Variants in SETBP1 observed in about 807,000 individuals in gnomAD.
SETBP1 encodes the protein SET-binding protein.
SETBP1 carries 9 observed loss-of-function variants against 101.0 expected under a neutral mutation model. That is an observed-to-expected ratio of 0.09 (90% CI 0.05 to 0.16). The LOEUF is 0.16. Ranked by LOEUF, SETBP1 falls within the 10% of genes least tolerant of loss-of-function variation. SETBP1 has a pLI of 1.00. For synonymous variants in SETBP1, 818 were observed against 788.5 expected, an observed-to-expected ratio of 1.04 and a Z score of -0.63; for missense variants, 1,858 against 2,033.8, an observed-to-expected ratio of 0.91 and a Z score of 1.66.
chr18:44,962,978 G>A (rs565194223), intron 4 of SETBP1, among the ~76,000 whole-genome samples: 10 of 152,290 alleles, frequency 6.6e-5, no homozygotes, highest in South Asian at 4.1e-4. Flanking sequence ...TTTTCAAAGC[G>A]TACTTCCTTA....
chr18:44,948,577 G>T (rs1172803293), intron 3 of SETBP1, among the ~76,000 whole-genome samples: 2 of 152,106 alleles, frequency 1.3e-5, no homozygotes, highest in Non-Finnish European at 2.9e-5. Context: ...CATGAAGCCA[G>T]TCATCATATA....
chr18:44,892,733 A>G (rs2069801741), intron 3 of SETBP1, among the ~76,000 whole-genome samples: 1 of 152,090 alleles, frequency 6.6e-6, no homozygotes, highest in South Asian at 2.1e-4. Context: ...CTACATAATA[A>G]TTTTTCTTCC....
rs868615659 is a variant in SETBP1, at chr18:44,819,054, T to C, written c.487-50176T>C. 2.2e-4 allele frequency among the ~76,000 whole-genome samples: 33 copies of C among 152,192 alleles called. No homozygotes were observed. In the South Asian group the frequency reaches 2.7e-3, roughly 12 times the overall value. ...AATGGTTTACTATTATTGGACTACT[T>C]TTGGAAGTAGTTGCACAGCTTTTTA... On this transcript the variant is annotated intron_variant, in intron 2 of 5. Coordinates refer to ENST00000649279, the MANE Select transcript of SETBP1 (RefSeq NM_015559.3).
intron 2 of SETBP1, among the ~76,000 whole-genome samples, chr18:44,745,736 C>G (rs2070227668): frequency 6.6e-6 from 1 of 152,066 alleles, no homozygotes. Flanking sequence ...AATAAGGAGA[C>G]TAGGGCCATG....
intron 2 of SETBP1, among the ~76,000 whole-genome samples, chr18:44,719,293 G>C (rs752547936): frequency 1.3e-5 from 2 of 152,184 alleles, no homozygotes; most frequent in East Asian, 3.8e-4. Context: ...GAGGCCACGC[G>C]AGAGCTGACC....
chr18:44,799,841 C>T (rs1022195842), intron 2 of SETBP1, among the ~76,000 whole-genome samples: 1 of 152,104 alleles, frequency 6.6e-6, no homozygotes, highest in Non-Finnish European at 1.5e-5. Context: ...GGTGCCCCTT[C>T]TTGGCTAAAA....
At chr18:44,745,808 A>C (rs1206891402) in intron 2 of SETBP1, among the ~76,000 whole-genome samples, 3 of 152,214 alleles carry the variant, frequency 2.0e-5, no homozygotes, top group African/African-American at 4.8e-5. Context: ...TGGAGGGAGA[A>C]GGGCCATCAG....
At chr18:44,703,790 T>TCC (rs1273936636) in intron 2 of SETBP1, among the ~76,000 whole-genome samples, 2 of 152,222 alleles carry the variant, frequency 1.3e-5, no homozygotes, top group African/African-American at 4.8e-5. Context: ...AGGTTTAATC[T>TCC]CCACACATAC....
At chr18:44,805,243 A>G (rs2071703129) in intron 2 of SETBP1, among the ~76,000 whole-genome samples, 1 of 152,194 alleles carries the variant, frequency 6.6e-6, no homozygotes. Flanking sequence ...AAGTAATTAA[A>G]TAATAAAATA....
At chr18:44,974,261 T>C (rs1445976944) in intron 4 of SETBP1, among the ~76,000 whole-genome samples, 1 of 152,182 alleles carries the variant, frequency 6.6e-6, no homozygotes, top group Non-Finnish European at 1.5e-5. Flanking sequence ...ACCATGGCTC[T>C]ACCAGAAGAA....
intron 2 of SETBP1, among the ~76,000 whole-genome samples, chr18:44,773,091 A>G (rs183046225): frequency 6.6e-6 from 1 of 152,298 alleles, no homozygotes; most frequent in East Asian, 1.9e-4. Flanking sequence ...TGCTTACCTT[A>G]TCTTCCTCTC....
chr18:44,838,479 C>T (rs896614833), intron 2 of SETBP1, among the ~76,000 whole-genome samples: 22 of 152,108 alleles, frequency 1.4e-4, no homozygotes, highest in African/African-American at 5.1e-4. Context: ...GCTCTTTATC[C>T]AGATACTGGG....
At chr18:44,939,528 T>A (rs144354828) in intron 3 of SETBP1, among the ~76,000 whole-genome samples, 3 of 152,328 alleles carry the variant, frequency 2.0e-5, no homozygotes, top group East Asian at 3.9e-4. Flanking sequence ...GCTATAAAGT[T>A]TTTATAAAAG....
intron 2 of SETBP1, among the ~76,000 whole-genome samples, chr18:44,769,332 G>T (rs1039102117): frequency 2.6e-5 from 4 of 152,170 alleles, no homozygotes; most frequent in Non-Finnish European, 5.9e-5. Context: ...CTTTAGTATT[G>T]GTTCTAACAA....
chr18:45,010,841 AG>A (rs1002319598), intron 4 of SETBP1, among the ~76,000 whole-genome samples: 3 of 152,238 alleles, frequency 2.0e-5, no homozygotes, highest in Admixed American at 1.3e-4. Flanking sequence ...TTCAGGCTTA[AG>A]GGGATTAAGT....
chr18:44,840,049 C>T (rs774611297), intron 2 of SETBP1, among the ~76,000 whole-genome samples: 1 of 152,146 alleles, frequency 6.6e-6, no homozygotes, highest in Non-Finnish European at 1.5e-5. Context: ...TTTATTGTTT[C>T]CCCAGAAGAG....
chr18:44,996,606 A>G (rs2072502919), intron 4 of SETBP1, among the ~76,000 whole-genome samples: 1 of 152,244 alleles, frequency 6.6e-6, no homozygotes, highest in Non-Finnish European at 1.5e-5. Flanking sequence ...TCTGATTTCC[A>G]AAGGGCTTTC....
intron 3 of SETBP1, among the ~76,000 whole-genome samples, chr18:44,922,607 C>T (rs2070608473): frequency 6.6e-6 from 1 of 152,156 alleles, no homozygotes; most frequent in Non-Finnish European, 1.5e-5. Context: ...TTTTGTGTGG[C>T]CCAGTTAAAA....
At chr18:44,838,802 G>A (rs1268670129) in intron 2 of SETBP1, among the ~76,000 whole-genome samples, 2 of 151,122 alleles carry the variant, frequency 1.3e-5, no homozygotes, top group Non-Finnish European at 2.9e-5. Flanking sequence ...CACTTTTTCG[G>A]AAAACAGGAA....
Sources: allele counts gnomAD v4.1 joint callset (sites outside exome capture counted in the v4.1 genomes callset), GRCh38; gene constraint gnomAD v4.1.1; transcripts MANE v1.5; gene names NCBI Gene and HGNC (gene_info 2026-07-23, HGNC 2026-07-21).